The following TUT4 variants were observed in gnomAD, a reference collection of about 807,000 sequenced individuals.
The protein encoded by TUT4 is terminal uridylyl transferase 4, also known as terminal uridylyltransferase 4.
In TUT4, 36 loss-of-function variants were observed where a neutral mutation model predicts 192.2. The ratio of observed to expected loss-of-function variants is 0.19; its 90% confidence interval spans 0.14 to 0.25. The LOEUF (loss-of-function observed/expected upper bound fraction) is 0.25, where lower values mean the gene tolerates loss of function less well. Among genes scored for constraint, TUT4 ranks in the 10% least tolerant of loss-of-function variants. The pLI, the probability that TUT4 is intolerant of heterozygous loss-of-function variation, is 1.00. For synonymous variants in TUT4, 618 were observed against 666.0 expected, an observed-to-expected ratio of 0.93 and a Z score of 1.11; for missense variants, 1,493 against 1,957.2, an observed-to-expected ratio of 0.76 and a Z score of 4.47.
At chr1:52,498,218 C>T (rs1672927749) in intron 4 of TUT4, among the ~76,000 whole-genome samples, 1 of 148,044 alleles carries the variant, frequency 6.8e-6, no homozygotes, top group Admixed American at 6.8e-5. Flanking sequence ...CTAAGTCTTA[C>T]ATAAGCATCT....
chr1:52,522,020 G>A (rs573653526), intron 2 of TUT4, among the ~76,000 whole-genome samples: 1 of 152,008 alleles, frequency 6.6e-6, no homozygotes, highest in African/African-American at 2.4e-5. Flanking sequence ...ATTTCACTGA[G>A]AATCAATCTA....
intron 1 of TUT4, among the ~76,000 whole-genome samples, chr1:52,537,887 G>A (rs1685380172): frequency 6.6e-6 from 1 of 151,478 alleles, no homozygotes; most frequent in Non-Finnish European, 1.5e-5. Context: ...CTCCAGTCTG[G>A]GCAACAAGAG....
chr1:52,484,245 C>G (rs547383248), intron 9 of TUT4, among the ~76,000 whole-genome samples: 1 of 151,954 alleles, frequency 6.6e-6, no homozygotes, highest in East Asian at 1.9e-4. Context: ...ATTTTAAAAA[C>G]TAAAAATAGC....
chr1:52,430,116 A>G (rs547435415), intron 28 of TUT4, among the ~76,000 whole-genome samples: 2 of 152,112 alleles, frequency 1.3e-5, no homozygotes, highest in Non-Finnish European at 2.9e-5. Flanking sequence ...TATTTCTCAA[A>G]TACTCTATAA....
intron 2 of TUT4, among the ~76,000 whole-genome samples, chr1:52,523,366 G>A (rs569970787): frequency 7.9e-5 from 12 of 152,214 alleles, no homozygotes; most frequent in South Asian, 6.2e-4. Flanking sequence ...AGCACTTTGG[G>A]AGGTCAAGGT....
chr1:52,500,604 T>C (rs1057466067), intron 4 of TUT4, among the ~76,000 whole-genome samples: 1 of 151,852 alleles, frequency 6.6e-6, no homozygotes, highest in Non-Finnish European at 1.5e-5. Flanking sequence ...CTCTACTAAA[T>C]ACAAAAAACT....
intron 1 of TUT4, among the ~76,000 whole-genome samples, chr1:52,543,129 T>A (rs1353502416): frequency 2.0e-5 from 3 of 152,086 alleles, no homozygotes; most frequent in African/African-American, 4.8e-5. Context: ...ACAAAACGCA[T>A]CTCAATTGGA....
chr1:52,529,878 C>T (rs1432918197), intron 1 of TUT4: 1 of 152,022 alleles, frequency 6.6e-6, no homozygotes, highest in Admixed American at 6.6e-5. Flanking sequence ...CTTGCTCTGT[C>T]GTTCAGGTTG....
chr1:52,449,866 G>A (rs1477829087), intron 20 of TUT4, among the ~76,000 whole-genome samples: 1 of 152,106 alleles, frequency 6.6e-6, no homozygotes, highest in Non-Finnish European at 1.5e-5. Flanking sequence ...CATATAAGTA[G>A]AATCAAATAG....
intron 16 of TUT4, chr1:52,462,412 T>A (rs548019224): frequency 6.6e-6 from 1 of 152,310 alleles, no homozygotes; most frequent in South Asian, 2.1e-4. Flanking sequence ...GGTCTCGATC[T>A]CCTGACCTCG....
intron 1 of TUT4, among the ~76,000 whole-genome samples, chr1:52,530,459 A>C (rs1683075391): frequency 6.6e-6 from 1 of 152,168 alleles, no homozygotes; most frequent in Admixed American, 6.5e-5. Flanking sequence ...CATCCCCTCA[A>C]GCATTTATCC....
At chr1:52,548,604 A>T (rs1272422463) in intron 1 of TUT4, among the ~76,000 whole-genome samples, 1 of 152,202 alleles carries the variant, frequency 6.6e-6, no homozygotes, top group Non-Finnish European at 1.5e-5. Flanking sequence ...AATGAGAATA[A>T]TATAAAAAGG....
In TUT4 at chr1:52,423,795, G is replaced by T. The variant is rs757745758; in HGVS notation, c.*140C>A. 1.3e-6 allele frequency: 2 copies of T among 1,540,018 alleles called. No individual in the cohort carries two copies. Among genetic ancestry groups the T allele is most frequent in the South Asian group, 1.2e-5 (1 of 83,240 alleles). The stretch of plus-strand genomic sequence containing the variant: ...TAAACGTGTTAAAATTTTAAATCAG[G>T]ACCTGATTTGTTTTGCTTTCCATTA... On this transcript the variant is annotated 3_prime_UTR_variant, in exon 30 of 30. Coordinates refer to ENST00000257177, the MANE Select transcript of TUT4 (RefSeq NM_001009881.3).
intron 14 of TUT4, among the ~76,000 whole-genome samples, chr1:52,469,046 A>C (rs1250932684): frequency 6.6e-6 from 1 of 152,096 alleles, no homozygotes; most frequent in Non-Finnish European, 1.5e-5. Context: ...GAGTTAAATA[A>C]AATTAATGTA....
intron 1 of TUT4, among the ~76,000 whole-genome samples, chr1:52,547,172 G>A (rs1480711602): frequency 6.8e-6 from 1 of 147,828 alleles, no homozygotes; most frequent in Non-Finnish European, 1.5e-5. Flanking sequence ...AAAAAGTGGG[G>A]GCATCTAGTA....
chr1:52,483,589 G>A (rs907035261), intron 9 of TUT4, among the ~76,000 whole-genome samples: 3 of 151,958 alleles, frequency 2.0e-5, no homozygotes, highest in Non-Finnish European at 2.9e-5. Context: ...GTGGGTGGAT[G>A]ACTTAAGGTC....
At chr1:52,447,168 G>C (rs1246344843) in intron 20 of TUT4, among the ~76,000 whole-genome samples, 1 of 152,018 alleles carries the variant, frequency 6.6e-6, no homozygotes, top group Non-Finnish European at 1.5e-5. Flanking sequence ...GGAAAATTAG[G>C]GCCAGGCACG....
intron 1 of TUT4, among the ~76,000 whole-genome samples, chr1:52,548,109 GAA>G (rs1300100304): frequency 6.6e-6 from 1 of 152,072 alleles, no homozygotes. Flanking sequence ...GAGAATAAGG[GAA>G]AAGTCAAATT....
rs1012599252 is a variant in TUT4 at position 52,493,552 on chromosome 1, T to C, written c.1318+59A>G. The C allele has an allele frequency of 6.5e-6, 8 of 1,221,474 alleles. 1 individual carries two copies. The South Asian group carries it at 8.4e-5, about 13-fold the overall frequency. 75.7% of individuals were successfully genotyped at this position (1,221,474 alleles called of 1,614,324 possible). On this transcript the variant is annotated intron_variant, in intron 7 of 29. Coordinates refer to ENST00000257177, the MANE Select transcript of TUT4 (RefSeq NM_001009881.3). ...TGGTTAGCCATATATAAACAACACATGTACCTTTAGAAAGACAAATTAAAA... is the reference window on the plus strand; with the variant it reads ...TGGTTAGCCATATATAAACAACACACGTACCTTTAGAAAGACAAATTAAAA...
Sources: gnomAD v4.1 joint callset for allele counts (sites outside exome capture counted in the v4.1 genomes callset) on GRCh38, gnomAD v4.1.1 for gene constraint, MANE v1.5 for transcripts, NCBI Gene and HGNC (gene_info 2026-07-23, HGNC 2026-07-21) for gene names.